The following PDZRN3 variants were observed in gnomAD, a reference collection of about 807,000 sequenced individuals.
PDZRN3 encodes E3 ubiquitin-protein ligase PDZRN3.
PDZRN3 carries 38 observed loss-of-function variants against 85.7 expected under a neutral mutation model. The ratio of observed to expected loss-of-function variants is 0.44; its 90% CI spans 0.34 to 0.58. The LOEUF (loss-of-function observed/expected upper bound fraction) is 0.58, where lower values mean the gene tolerates loss of function less well. Among genes scored for constraint, PDZRN3 ranks in the 20% least tolerant of loss-of-function variants. PDZRN3 has a pLI of 0.01. For synonymous variants in PDZRN3, 759 were observed against 638.0 expected (o/e 1.19, Z -2.86); for missense variants, 1,629 against 1,506.4 (o/e 1.08, Z -1.35).
chr3:73,384,193 G>A lies in PDZRN3; in HGVS notation c.2373C>T (p.Ser791=). 1.2e-6 allele frequency: 2 copies of A among 1,613,938 alleles called. No homozygotes were observed. Among genetic ancestry groups the A allele is most frequent in the African/African-American group, 1.3e-5 (1 of 75,054 alleles). Residue 791 remains serine, a synonymous_variant, in exon 10 of 10, where the codon AGC becomes AGT. Coordinates refer to ENST00000263666, the MANE Select transcript of PDZRN3 (RefSeq NM_015009.3). ...RAAEGISCPS[S]EGAVGTTEAY... is the part of the protein sequence containing the mutation. ...CTTCCGTGGTCCCCACAGCCCCTTC[G>A]CTGCTCGGGCAGCTGATGCCCTCCG...
chr3:73,475,333 G>T (rs1351932962), intron 3 of PDZRN3, among the ~76,000 whole-genome samples: 2 of 152,140 alleles, frequency 1.3e-5, no homozygotes, highest in African/African-American at 4.8e-5. Flanking sequence ...TATGAAAGGC[G>T]ATTTGTTCAT....
At chr3:73,557,610 A>G (rs1701729160) in intron 3 of PDZRN3, among the ~76,000 whole-genome samples, 1 of 150,004 alleles carries the variant, frequency 6.7e-6, no homozygotes, top group African/African-American at 2.5e-5. Context: ...AACTTATCTC[A>G]GCACTCTTAA....
At chr3:73,393,179 C>T (rs1474158071) in intron 5 of PDZRN3, among the ~76,000 whole-genome samples, 1 of 152,084 alleles carries the variant, frequency 6.6e-6, no homozygotes, top group African/African-American at 2.4e-5. Context: ...GGTCCACGTG[C>T]AACCCAAGCA....
At chr3:73,622,504 T>G (rs1702883306) in intron 1 of PDZRN3, among the ~76,000 whole-genome samples, 1 of 152,192 alleles carries the variant, frequency 6.6e-6, no homozygotes, top group African/African-American at 2.4e-5. Flanking sequence ...AAAATGTGGC[T>G]TCTGCAATCA....
chr3:73,613,457 G>A (rs1197890714), intron 1 of PDZRN3, among the ~76,000 whole-genome samples: 2 of 152,142 alleles, frequency 1.3e-5, no homozygotes, highest in Non-Finnish European at 2.9e-5. Context: ...TAGGAACGGT[G>A]GAGACAGAAA....
chr3:73,483,738 C>G (rs1703611066), intron 3 of PDZRN3, among the ~76,000 whole-genome samples: 1 of 152,092 alleles, frequency 6.6e-6, no homozygotes, highest in Non-Finnish European at 1.5e-5. Context: ...AAGGAGGAGA[C>G]AGTGAATGCA....
chr3:73,411,078 A>G (rs1373609234), intron 3 of PDZRN3, among the ~76,000 whole-genome samples: 2 of 152,244 alleles, frequency 1.3e-5, no homozygotes, highest in Non-Finnish European at 2.9e-5. Context: ...GTACACAAGT[A>G]TTCAGTGAGA....
chr3:73,550,208 G>A (rs568361470), intron 3 of PDZRN3, among the ~76,000 whole-genome samples: 74 of 152,248 alleles, frequency 4.9e-4, no homozygotes, highest in South Asian at 1.2e-3. Context: ...TGAATCATCC[G>A]GGAACTGGTT....
At chr3:73,609,799 G>C (rs1702655401) in intron 1 of PDZRN3, among the ~76,000 whole-genome samples, 1 of 152,158 alleles carries the variant, frequency 6.6e-6, no homozygotes, top group Non-Finnish European at 1.5e-5. Flanking sequence ...GGCCACATTG[G>C]AAAGGCATGA....
chr3:73,534,274 G>C (rs1288014472), intron 3 of PDZRN3, among the ~76,000 whole-genome samples: 1 of 152,172 alleles, frequency 6.6e-6, no homozygotes, highest in Non-Finnish European at 1.5e-5. Context: ...TAACAATGAA[G>C]GGCTGAATCA....
intron 3 of PDZRN3, among the ~76,000 whole-genome samples, chr3:73,596,814 G>A (rs1702436585): frequency 6.6e-6 from 1 of 152,150 alleles, no homozygotes; most frequent in African/African-American, 2.4e-5. Context: ...GCTATAAAGG[G>A]CATCATAGGG....
Position 73,592,035 on chromosome 3 carries a change from CTAACA to C in PDZRN3, c.918+10314_918+10318del, listed in dbSNP as rs1375465298. ...TCTTCCCCTGTTATCCTCTCTTATC[CTAACA>C]ACTCACACAACATGAAGATTTTTTA... is the stretch of plus-strand genomic sequence containing the variant. On this transcript the variant is annotated intron_variant, in intron 3 of 9. Coordinates refer to ENST00000263666, the MANE Select transcript of PDZRN3 (RefSeq NM_015009.3). Among the ~76,000 whole-genome samples the C allele has an allele frequency of 3.3e-5, 5 of 152,160 alleles. No homozygotes were observed. The South Asian group carries it at 1.0e-3, about 31-fold the overall frequency.
chr3:73,519,974 G>A (rs1342174128), intron 3 of PDZRN3, among the ~76,000 whole-genome samples: 2 of 152,170 alleles, frequency 1.3e-5, no homozygotes, highest in Non-Finnish European at 2.9e-5. Flanking sequence ...CATAGACTAT[G>A]ATGAGAATGG....
intron 1 of PDZRN3, among the ~76,000 whole-genome samples, chr3:73,610,109 T>C (rs1189748946): frequency 1.3e-5 from 2 of 152,202 alleles, no homozygotes; most frequent in African/African-American, 4.8e-5. Flanking sequence ...CTTGTGAGCC[T>C]CAACATCAAT....
intron 3 of PDZRN3, among the ~76,000 whole-genome samples, chr3:73,521,898 T>C (rs1044086594): frequency 6.6e-6 from 1 of 152,186 alleles, no homozygotes; most frequent in African/African-American, 2.4e-5. Flanking sequence ...TCTCCCTCTC[T>C]GTTTTGTCAA....
intron 3 of PDZRN3, among the ~76,000 whole-genome samples, chr3:73,581,222 T>A (rs760034013): frequency 6.6e-6 from 1 of 152,214 alleles, no homozygotes. Flanking sequence ...GCTTATGATG[T>A]TTTTTATTTT....
intron 3 of PDZRN3, among the ~76,000 whole-genome samples, chr3:73,426,326 G>C (rs140775780): frequency 1.3e-5 from 2 of 151,630 alleles, no homozygotes; most frequent in South Asian, 2.1e-4. Context: ...ACTGAATACT[G>C]GTGCCAATGA....
rs1270910925 is a variant in PDZRN3 at position 73,624,428 on chromosome 3, G to A, written c.398C>T (p.Ala133Val). The change falls in exon 1 of 10, where the codon GCC becomes GTC. Residue 133 changes from alanine to valine, a missense_variant. Physicochemically the swap from Ala to Val is moderately conservative, Grantham distance 64. Transcript: ENST00000263666. ...GCGGCCCACTGGCCGCGCGTCGCAG[G>A]CGTCGCGCATGTGCGCCTCCACGTC... is the stretch of plus-strand genomic sequence containing the variant. The part of the protein sequence containing the change: ...RRDVEAHMRD[A>V]CDARPVGRCQ... 13 of 1,306,282 alleles carry A rather than the reference G, an allele frequency of 1.0e-5. No individual in the cohort carries two copies. Among genetic ancestry groups the A allele is most frequent in the Non-Finnish European group, 1.3e-5 (13 of 1,033,496 alleles). 80.9% of individuals were successfully genotyped at this position (1,306,282 alleles called of 1,614,324 possible). A position where few individuals can be genotyped will look rare whatever the true frequency, so the allele number is the denominator to read the frequency against.
At chr3:73,498,462 G>T (rs760140970) in intron 3 of PDZRN3, among the ~76,000 whole-genome samples, 2 of 150,154 alleles carry the variant, frequency 1.3e-5, no homozygotes, top group Admixed American at 6.6e-5. Context: ...AAAAATGGTC[G>T]AGTACTTTTT....
Sources: gnomAD v4.1 joint callset for allele counts (sites outside exome capture counted in the v4.1 genomes callset) on GRCh38, gnomAD v4.1.1 for gene constraint, MANE v1.5 for transcripts, NCBI Gene and HGNC (gene_info 2026-07-23, HGNC 2026-07-21) for gene names.